AGBL1: variants seen among roughly 807,000 people sequenced by gnomAD.
AGBL1 encodes cytosolic carboxypeptidase 4.
In AGBL1, 130 loss-of-function variants were observed where a neutral mutation model predicts 118.9. The ratio of observed to expected loss-of-function variants is 1.09; its 90% CI spans 0.95 to 1.26. The LOEUF is 1.26. Among genes scored for constraint, AGBL1 ranks in the 50% most tolerant of loss-of-function variants. The pLI is 0.00. For missense variants in AGBL1, 1,584 were observed against 1,298.1 expected, an observed-to-expected ratio of 1.22 and a Z score of -3.38; for synonymous variants, 555 against 478.9, an observed-to-expected ratio of 1.16 and a Z score of -2.08.
rs1201167083 is a variant in AGBL1, at chr15:86,615,708, A to G, written c.2995-58565A>G. 2.0e-5 allele frequency among the ~76,000 whole-genome samples: 3 copies of G among 152,212 alleles called. No individual in the cohort carries two copies. The highest frequency in any genetic ancestry group is 2.9e-5 in the Non-Finnish European group (2 of 68,038). On this transcript the variant is annotated intron_variant, in intron 21 of 22. Coordinates refer to ENST00000614907, the MANE Select transcript of AGBL1 (RefSeq NM_001386094.1). This position sits in a 1 kb window ranked among gnomAD's most constrained non-coding sequence, Gnocchi z 4.3. ...TTGATTGACATGTTAAGAAGATTCA[A>G]AACTACTCAAAGCCACAGAGTTAGA...
At chr15:86,774,576 C>T (rs1474927188) in intron 22 of AGBL1, among the ~76,000 whole-genome samples, 1 of 148,746 alleles carries the variant, frequency 6.7e-6, no homozygotes, top group Admixed American at 6.7e-5. Context: ...ATAATTACTG[C>T]AACAGGTAGC....
chr15:86,183,471 A>C (rs563440517), intron 5 of AGBL1, among the ~76,000 whole-genome samples: 1 of 152,344 alleles, frequency 6.6e-6, no homozygotes, highest in Non-Finnish European at 1.5e-5. Context: ...AGAAGACTCC[A>C]GGTCTCCTGA....
At chr15:86,635,073 T>C (rs993253704) in intron 21 of AGBL1, among the ~76,000 whole-genome samples, 10 of 152,022 alleles carry the variant, frequency 6.6e-5, no homozygotes, top group African/African-American at 2.4e-4. Context: ...GAAAAGTAAT[T>C]TTTATCAGAT....
At chr15:86,506,480 G>A (rs1432309336) in intron 18 of AGBL1, among the ~76,000 whole-genome samples, 1 of 152,028 alleles carries the variant, frequency 6.6e-6, no homozygotes, top group Non-Finnish European at 1.5e-5. Context: ...GGGAAGATTT[G>A]AGTCATGTCA....
chr15:86,896,450 C>G (rs959263765), intron 22 of AGBL1, among the ~76,000 whole-genome samples: 1 of 151,160 alleles, frequency 6.6e-6, no homozygotes, highest in Non-Finnish European at 1.5e-5. Flanking sequence ...TGATGGGGGC[C>G]TCAAGTTTTC....
At chr15:86,765,344 G>A (rs1319751303) in intron 22 of AGBL1, among the ~76,000 whole-genome samples, 1 of 151,956 alleles carries the variant, frequency 6.6e-6, no homozygotes, top group African/African-American at 2.4e-5. Context: ...ACCCAGATAT[G>A]TTTGTTAAGG....
chr15:86,114,215 T>C (rs1567063259), intron 1 of AGBL1, among the ~76,000 whole-genome samples: 1 of 152,236 alleles, frequency 6.6e-6, no homozygotes, highest in Non-Finnish European at 1.5e-5. Flanking sequence ...TTTGAAATAT[T>C]AAGATGATGT....
At chr15:86,728,149 A>C (rs762368317) in intron 22 of AGBL1, among the ~76,000 whole-genome samples, 5 of 152,188 alleles carry the variant, frequency 3.3e-5, no homozygotes, top group Non-Finnish European at 7.3e-5. Context: ...TTGAACTGGA[A>C]AGGATGTACC....
intron 22 of AGBL1, among the ~76,000 whole-genome samples, chr15:86,831,642 T>C (rs1001087224): frequency 6.6e-6 from 1 of 152,250 alleles, no homozygotes; most frequent in African/African-American, 2.4e-5. Context: ...TGGGCAGCTC[T>C]GCCCCTGTGG....
intron 21 of AGBL1, among the ~76,000 whole-genome samples, chr15:86,573,723 C>T (rs1239216019): frequency 2.0e-5 from 3 of 152,156 alleles, no homozygotes; most frequent in Admixed American, 2.0e-4. Context: ...TAGGAGCATG[C>T]TGAAATGTAC....
chr15:86,412,348 G>C (rs1254719175), intron 18 of AGBL1, among the ~76,000 whole-genome samples: 1 of 152,196 alleles, frequency 6.6e-6, no homozygotes, highest in Non-Finnish European at 1.5e-5. Context: ...CACAGAGGAA[G>C]TGTGGAATGT....
At position 86,734,114 on chromosome 15, in the gene AGBL1, A is replaced by G. The variant is rs1445911110; in HGVS notation, c.3158+59678A>G. Among the ~76,000 whole-genome samples the G allele has an allele frequency of 2.0e-4, 31 of 152,112 alleles. 1 individual carries two copies. The highest frequency in any genetic ancestry group is 2.0e-3 in the Admixed American group (31 of 15,256). On this transcript the variant is annotated intron_variant, in intron 22 of 22. Coordinates refer to ENST00000614907, the MANE Select transcript of AGBL1 (RefSeq NM_001386094.1). ...GCAGTTTGCATATGTTTTCTTTTCAAATGATCAGGCTATAAGCAACCCTAG... is the reference window on the plus strand; with the variant it reads ...GCAGTTTGCATATGTTTTCTTTTCAGATGATCAGGCTATAAGCAACCCTAG...
chr15:86,321,492 G>A (rs1164545408), intron 17 of AGBL1, among the ~76,000 whole-genome samples: 1 of 151,972 alleles, frequency 6.6e-6, no homozygotes, highest in African/African-American at 2.4e-5. Flanking sequence ...AGAGAGGCCG[G>A]GTGCAGTGGC....
At chr15:87,004,080 C>T (rs193268135) in intron 24 of AGBL1, among the ~76,000 whole-genome samples, 27 of 152,108 alleles carry the variant, frequency 1.8e-4, no homozygotes, top group Non-Finnish European at 3.4e-4. Flanking sequence ...TTAGATCTTT[C>T]CTGCTTTCTC....
rs1457494719 is a variant in AGBL1 at position 86,215,215 on chromosome 15, A to ATGTGTGTGTGTGTGTG, written c.489-9698_489-9697insGTGTGTGTGTGTGTGT. 4.9e-5 allele frequency among the ~76,000 whole-genome samples: 6 copies of ATGTGTGTGTGTGTGTG among 123,012 alleles called. No individual in the cohort carries two copies. The South Asian group carries it at 2.2e-3, about 45-fold the overall frequency. 80.7% of individuals were successfully genotyped at this position (123,012 alleles called of 152,430 possible). On this transcript the variant is annotated intron_variant, in intron 5 of 22. Transcript: ENST00000614907. ...TGGCTCTGTGTGTGTGTGTGAGTGT[A>ATGTGTGTGTGTGTGTG]TATGTATGCGTGTGTGTGTGTGTGT...
intron 22 of AGBL1, among the ~76,000 whole-genome samples, chr15:86,839,242 A>T (rs1028296846): frequency 6.6e-6 from 1 of 152,196 alleles, no homozygotes; most frequent in Non-Finnish European, 1.5e-5. Flanking sequence ...TTGTTCTCTG[A>T]AAAGCCATGA....
intron 5 of AGBL1, among the ~76,000 whole-genome samples, chr15:86,207,849 G>A (rs2078020849): frequency 6.6e-6 from 1 of 152,102 alleles, no homozygotes; most frequent in African/African-American, 2.4e-5. Flanking sequence ...CCAACACTAT[G>A]TTGAATAGGA....
chr15:86,896,851 C>T (rs780873574), intron 22 of AGBL1, among the ~76,000 whole-genome samples: 13 of 152,160 alleles, frequency 8.5e-5, no homozygotes, highest in Non-Finnish European at 1.6e-4. Context: ...TGCTCATCAA[C>T]ACTTCTCTGA....
intron 22 of AGBL1, among the ~76,000 whole-genome samples, chr15:86,753,971 G>A (rs553959649): frequency 6.6e-6 from 1 of 152,150 alleles, no homozygotes; most frequent in South Asian, 2.1e-4. Flanking sequence ...AGCATGTTGA[G>A]AATCTTACTC....
Sources: gnomAD v4.1 joint callset for allele counts (sites outside exome capture counted in the v4.1 genomes callset) on GRCh38, gnomAD v4.1.1 for gene constraint, Gnocchi (gnomAD v3.1) non-coding constraint, MANE v1.5 for transcripts, NCBI Gene and HGNC (gene_info 2026-07-23, HGNC 2026-07-21) for gene names.